The following ZNF292 variants were observed in gnomAD, a reference collection of about 807,000 sequenced individuals.
ZNF292 encodes zinc finger protein 292.
ZNF292 carries 26 observed loss-of-function variants against 217.9 expected under a neutral mutation model. That is an observed-to-expected ratio of 0.12 (90% CI 0.09 to 0.17). The LOEUF (loss-of-function observed/expected upper bound fraction) is 0.17. Among genes scored for constraint, ZNF292 ranks in the 10% least tolerant of loss-of-function variants. ZNF292 has a pLI of 1.00. For synonymous variants in ZNF292, 1,257 were observed against 1,124.1 expected, an observed-to-expected ratio of 1.12 and a Z score of -2.37; for missense variants, 2,904 against 3,175.2, an observed-to-expected ratio of 0.91 and a Z score of 2.05.
chr6:87,229,487 C>T (rs1396600120), intron 4 of ZNF292, among the ~76,000 whole-genome samples: 2 of 152,100 alleles, frequency 1.3e-5, no homozygotes, highest in African/African-American at 2.4e-5. Flanking sequence ...AGTGCAATGG[C>T]GCAATCTCGG....
At chr6:87,183,881 C>G (rs1449744124) in intron 1 of ZNF292, among the ~76,000 whole-genome samples, 1 of 152,224 alleles carries the variant, frequency 6.6e-6, no homozygotes, top group African/African-American at 2.4e-5. Context: ...ACAACTGAGT[C>G]TTTTGATGAG....
At chr6:87,184,242 G>A (rs142474022) in intron 1 of ZNF292, among the ~76,000 whole-genome samples, 10 of 152,290 alleles carry the variant, frequency 6.6e-5, no homozygotes, top group Admixed American at 1.3e-4. Context: ...TGAATAATTT[G>A]GCATGGGAGA....
At chr6:87,217,487 G>A (rs1296330632) in intron 3 of ZNF292, among the ~76,000 whole-genome samples, 1 of 151,832 alleles carries the variant, frequency 6.6e-6, no homozygotes, top group East Asian at 1.9e-4. Flanking sequence ...TTTCCAAAAA[G>A]TATTTTTAGG....
chr6:87,224,316 T>A (rs1400136912), intron 4 of ZNF292, among the ~76,000 whole-genome samples: 1 of 152,156 alleles, frequency 6.6e-6, no homozygotes, highest in East Asian at 1.9e-4. Flanking sequence ...CTGAACCTCC[T>A]AAATAACTTT....
At position 87,226,635 on chromosome 6, in the gene ZNF292, A is replaced by T. The variant is rs368432786; in HGVS notation, c.539-6690A>T. ...ACATTATTTTTTAGTGTGTGTATAT[A>T]TATCTATATATCTATATATATATAG... is the stretch of plus-strand genomic sequence containing the variant. On this transcript the variant is annotated intron_variant, in intron 4 of 7. Transcript: ENST00000369577. Among the ~76,000 whole-genome samples the T allele has an allele frequency of 2.5e-4, 29 of 114,534 alleles. No homozygotes were observed. The East Asian group carries it at 6.2e-3, about 25-fold the overall frequency. 75.1% of individuals were successfully genotyped at this position (114,534 alleles called of 152,430 possible).
At chr6:87,244,574 G>A (rs955653111) in intron 6 of ZNF292, among the ~76,000 whole-genome samples, 2 of 152,218 alleles carry the variant, frequency 1.3e-5, no homozygotes, top group African/African-American at 4.8e-5. Context: ...ATAAGCAGTT[G>A]TGAGTTGATT....
chr6:87,249,343 T>C, intron 7 of ZNF292: 1 of 430,096 alleles, frequency 2.3e-6, no homozygotes, highest in East Asian at 7.8e-5. Flanking sequence ...CCCAGATTTA[T>C]CTCCAACTCC....
chr6:87,219,358 ACCTTT>A (rs1385620853), intron 4 of ZNF292, among the ~76,000 whole-genome samples: 2 of 152,166 alleles, frequency 1.3e-5, no homozygotes, highest in African/African-American at 4.8e-5. Flanking sequence ...TATCACCCTA[ACCTTT>A]CCCAAGGTAT....
Position 87,234,867 on chromosome 6 carries a change from A to AT in ZNF292, c.741+1350dup, listed in dbSNP as rs556628446. Among the ~76,000 whole-genome samples, 750 of 150,514 alleles carry AT rather than the reference A, an allele frequency of 5.0e-3. 1 individual carries two copies. Among genetic ancestry groups the AT allele is most frequent in the African/African-American group, 7.9e-3 (323 of 41,046 alleles). On this transcript the variant is annotated intron_variant, in intron 5 of 7. Coordinates refer to ENST00000369577, the MANE Select transcript of ZNF292 (RefSeq NM_015021.3). ...TGAGGTTTGTAATGATGATTGTGTG[A>AT]TTTTTTTTTTCCTTGAGAATAGACA...
chr6:87,175,932 A>G (rs1771273890), intron 1 of ZNF292, among the ~76,000 whole-genome samples: 1 of 152,044 alleles, frequency 6.6e-6, no homozygotes, highest in African/African-American at 2.4e-5. Flanking sequence ...CTTACCTTCA[A>G]TTTATTTACA....
At chr6:87,197,774 A>ATT (rs11410137) in intron 1 of ZNF292, among the ~76,000 whole-genome samples, 3 of 147,196 alleles carry the variant, frequency 2.0e-5, no homozygotes, top group Admixed American at 6.8e-5. Context: ...GTTAGTTTCA[A>ATT]TTTTTTATCT....
At chr6:87,201,507 C>T (rs560671854) in intron 1 of ZNF292, among the ~76,000 whole-genome samples, 113 of 152,248 alleles carry the variant, frequency 7.4e-4, no homozygotes, top group African/African-American at 2.5e-3. Context: ...CGGGTTCAAG[C>T]GATTCTCCTG....
chr6:87,235,348 T>G (rs982877340), intron 5 of ZNF292, among the ~76,000 whole-genome samples: 1 of 152,184 alleles, frequency 6.6e-6, no homozygotes, highest in Admixed American at 6.5e-5. Context: ...AAGGTTCATC[T>G]GACCTCCCTT....
rs1440097274 is a variant in ZNF292, at chr6:87,259,746, C to A, written c.6117C>A (p.Ile2039=). The A allele has an allele frequency of 3.1e-6, 5 of 1,603,030 alleles. No homozygotes were observed. The East Asian group carries it at 1.1e-4, about 36-fold the overall frequency. Residue 2039 remains isoleucine (I), a synonymous_variant, in exon 8 of 8, where the codon ATC becomes ATA. Coordinates refer to ENST00000369577, the MANE Select transcript of ZNF292 (RefSeq NM_015021.3). The part of the protein sequence containing the change: ...TQNTHSNVAV[I]PEKQLVEKKS... Reference sequence around the variant, plus strand: ...ATACCCACAGTAATGTAGCAGTGATCCCAGAAAAACAACTTGTAGAAAAAA... The same window carrying A: ...ATACCCACAGTAATGTAGCAGTGATACCAGAAAAACAACTTGTAGAAAAAA...
chr6:87,231,281 T>C (rs1773641152), intron 4 of ZNF292, among the ~76,000 whole-genome samples: 1 of 152,136 alleles, frequency 6.6e-6, no homozygotes, highest in African/African-American at 2.4e-5. Context: ...TTTTTACTGC[T>C]GTAAGGTGCC....
intron 5 of ZNF292, among the ~76,000 whole-genome samples, chr6:87,241,199 G>T (rs1485955668): frequency 2.0e-5 from 3 of 152,076 alleles, no homozygotes; most frequent in Admixed American, 1.3e-4. Context: ...CAGGAGAGTC[G>T]CTTGAACCTG....
At chr6:87,166,528 T>C (rs1456130231) in intron 1 of ZNF292, among the ~76,000 whole-genome samples, 6 of 152,134 alleles carry the variant, frequency 3.9e-5, no homozygotes, top group Non-Finnish European at 7.3e-5. Context: ...AAACAAGTAG[T>C]TTTTGAATCA....
intron 4 of ZNF292, among the ~76,000 whole-genome samples, chr6:87,219,165 T>G (rs1444658824): frequency 6.6e-6 from 1 of 152,222 alleles, no homozygotes; most frequent in African/African-American, 2.4e-5. Flanking sequence ...TCAGTCTTAT[T>G]GTATCCCCTG....
At chr6:87,176,967 G>A (rs1771319138) in intron 1 of ZNF292, among the ~76,000 whole-genome samples, 2 of 151,990 alleles carry the variant, frequency 1.3e-5, no homozygotes, top group Non-Finnish European at 2.9e-5. Flanking sequence ...CAATAAGAAA[G>A]CCTGTTGCTA....
Sources: gnomAD v4.1 joint callset for allele counts (sites outside exome capture counted in the v4.1 genomes callset) on GRCh38, gnomAD v4.1.1 for gene constraint, MANE v1.5 for transcripts, NCBI Gene and HGNC (gene_info 2026-07-23, HGNC 2026-07-21) for gene names.